Variants in YEATS2 observed in about 807,000 individuals in gnomAD.
YEATS2 encodes the protein YEATS domain containing 2, also known as YEATS domain-containing protein 2.
Under a neutral mutation model 163.2 loss-of-function variants are expected in YEATS2, and 77 were observed. The ratio of observed to expected loss-of-function variants is 0.47; its 90% confidence interval spans 0.39 to 0.57. The LOEUF (loss-of-function observed/expected upper bound fraction) is 0.57. Among genes scored for constraint, YEATS2 ranks in the 20% least tolerant of loss-of-function variants. YEATS2 has a pLI of 0.00. For missense variants in YEATS2, 1,549 were observed against 1,729.8 expected (o/e 0.90, Z 1.85); for synonymous variants, 631 against 645.1 (o/e 0.98, Z 0.33).
chr3:183,805,486 C>T (rs1726097281), intron 27 of YEATS2, among the ~76,000 whole-genome samples: 1 of 151,930 alleles, frequency 6.6e-6, no homozygotes, highest in Non-Finnish European at 1.5e-5. Flanking sequence ...CCAAGGAAAC[C>T]TGGAGCACAG....
At chr3:183,743,571 C>A (rs1225969220) in intron 8 of YEATS2, among the ~76,000 whole-genome samples, 1 of 151,864 alleles carries the variant, frequency 6.6e-6, no homozygotes, top group African/African-American at 2.4e-5. Flanking sequence ...GTCTCAAACT[C>A]CTGGACTAAA....
In YEATS2 at chr3:183,776,131, T is replaced by A; in HGVS notation, c.2577+8T>A. On this transcript the variant is annotated splice_region_variant and intron_variant, in intron 18 of 30. Transcript: ENST00000305135. ...CTCAAGCAAACTCCCCAGGTCTGGT[T>A]CTCTGTAACTGATATTTTAAATCAT... The A allele has an allele frequency of 6.5e-7, 1 of 1,544,794 alleles. No homozygotes were observed. The highest frequency in any genetic ancestry group is 1.3e-5 in the South Asian group (1 of 78,602).
intron 2 of YEATS2, among the ~76,000 whole-genome samples, chr3:183,717,299 CT>C (rs1715996090): frequency 1.3e-5 from 2 of 152,300 alleles, no homozygotes; most frequent in East Asian, 3.9e-4. Context: ...CTCCTCAACC[CT>C]TTCCTTGTCT....
Position 183,758,954 on chromosome 3 carries a change from T to C in YEATS2, c.1645T>C (p.Ser549Pro), listed in dbSNP as rs746821887. 6.4e-6 allele frequency: 10 copies of C among 1,571,780 alleles called. No homozygotes were observed. The South Asian group carries it at 1.1e-4, about 17-fold the overall frequency. The stretch of plus-strand genomic sequence containing the variant: ...AATTCATGGAAGTAGTTTTGTAACA[T>C]CTACTGTCAAGGTAACATTCTTACT... ...PKIHGSSFVT[S>P]TVKQEDSLFA... The change falls in exon 13 of 31, where the codon TCT (serine) becomes CCT (proline). Residue 549 changes from serine to proline, a missense_variant. By Grantham distance (74) the Ser-to-Pro change is moderately conservative. Transcript: ENST00000305135.
chr3:183,766,012 A>G (rs1560288787), intron 15 of YEATS2, among the ~76,000 whole-genome samples: 1 of 152,108 alleles, frequency 6.6e-6, no homozygotes, highest in Admixed American at 6.6e-5. Context: ...TTTACCCTCC[A>G]TACAACTTTG....
At chr3:183,802,550 C>CACGTGTATAT (rs1725794334) in intron 25 of YEATS2, 1 of 53,930 alleles carries the variant, frequency 1.9e-5, no homozygotes, top group African/African-American at 6.6e-5. Context: ...TACACACACA[C>CACGTGTATAT]ATATTTTTCT....
At chr3:183,776,341 C>T (rs150696662) in intron 18 of YEATS2, among the ~76,000 whole-genome samples, 3,632 of 151,932 alleles carry the variant, frequency 0.024, 151 homozygotes, top group African/African-American at 0.083. Flanking sequence ...CCCAGGAGTT[C>T]GAGACCAACC....
chr3:183,809,386 A>G, intron 30 of YEATS2: 3 of 503,550 alleles, frequency 6.0e-6, no homozygotes, highest in Middle Eastern at 5.3e-4. Context: ...AGAGGTTTAT[A>G]TCCTCCTCAT....
chr3:183,778,137 AAG>A (rs1417420030), intron 19 of YEATS2, among the ~76,000 whole-genome samples: 1 of 151,392 alleles, frequency 6.6e-6, no homozygotes, highest in Non-Finnish European at 1.5e-5. Flanking sequence ...AAGAAAAAAA[AAG>A]AAAAAATGAA....
At chr3:183,735,506 C>T (rs147054378) in intron 7 of YEATS2, among the ~76,000 whole-genome samples, 39 of 152,242 alleles carry the variant, frequency 2.6e-4, no homozygotes, top group African/African-American at 8.4e-4. Flanking sequence ...TTATTAATTT[C>T]TCTGCTTTCT....
intron 12 of YEATS2, among the ~76,000 whole-genome samples, chr3:183,758,584 T>G (rs570974168): frequency 1.3e-5 from 2 of 152,306 alleles, no homozygotes; most frequent in Admixed American, 1.3e-4. Flanking sequence ...CTACTGTTTA[T>G]TGTACAAGGA....
intron 1 of YEATS2, among the ~76,000 whole-genome samples, chr3:183,706,774 C>T (rs1714666061): frequency 6.6e-6 from 1 of 152,096 alleles, no homozygotes; most frequent in Non-Finnish European, 1.5e-5. Flanking sequence ...TGAGATTGTG[C>T]CATTGCACTC....
intron 20 of YEATS2, among the ~76,000 whole-genome samples, chr3:183,786,652 A>G (rs1169229112): frequency 6.7e-6 from 1 of 148,310 alleles, no homozygotes; most frequent in Non-Finnish European, 1.5e-5. Context: ...GACATTTCAT[A>G]TAAAGGGAGT....
intron 7 of YEATS2, among the ~76,000 whole-genome samples, chr3:183,733,005 C>T (rs935033721): frequency 2.6e-5 from 4 of 152,006 alleles, no homozygotes; most frequent in Non-Finnish European, 4.4e-5. Context: ...GGACTATAGG[C>T]GTGTGCCACC....
At chr3:183,776,536 A>C (rs1267097682) in intron 18 of YEATS2, among the ~76,000 whole-genome samples, 1 of 152,094 alleles carries the variant, frequency 6.6e-6, no homozygotes, top group African/African-American at 2.4e-5. Flanking sequence ...TGACAGAGTG[A>C]GACCCTTTCT....
Position 183,756,544 on chromosome 3 carries a change from TC to T in YEATS2, c.1409del (p.Pro470GlnfsTer17). The T allele has an allele frequency of 6.3e-7, 1 of 1,582,138 alleles. No homozygotes were observed. The highest frequency in any genetic ancestry group is 8.6e-7 in the Non-Finnish European group (1 of 1,166,544). The part of the protein sequence containing the change: ...KIVSGSPIST[P>X]SPSPLPRTPT... Reference sequence around the variant, plus strand: ...ATTAATAAGGTTCCCCAATATCAACTCCAAGCCCATCACCATTGCCTCGAAC... The same window carrying T: ...ATTAATAAGGTTCCCCAATATCAACTCAAGCCCATCACCATTGCCTCGAAC... On this transcript the variant is annotated frameshift_variant, in exon 12 of 31. Coordinates refer to ENST00000305135, the MANE Select transcript of YEATS2 (RefSeq NM_018023.5). LOFTEE classifies it high-confidence loss of function.
chr3:183,803,941 G>C (rs377468826), intron 26 of YEATS2, 46 bp from the exon 27 acceptor site: 8 of 1,596,488 alleles, frequency 5.0e-6, no homozygotes, highest in Non-Finnish European at 6.0e-6. Context: ...GTTGTGTTAA[G>C]TGGAAGGATT....
At chr3:183,783,343 G>C (rs866792670) in intron 19 of YEATS2, among the ~76,000 whole-genome samples, 51 of 152,244 alleles carry the variant, frequency 3.3e-4, no homozygotes, top group African/African-American at 1.2e-3. Context: ...CAGTCACTTA[G>C]AGCAGATTTC....
At chr3:183,800,865 A>G (rs1363616071) in intron 24 of YEATS2, 2 of 295,242 alleles carry the variant, frequency 6.8e-6, no homozygotes, top group Non-Finnish European at 1.3e-5. Context: ...CCGTAGGCAC[A>G]AAATTTCTCC....
Sources: allele counts gnomAD v4.1 joint callset (sites outside exome capture counted in the v4.1 genomes callset), GRCh38; gene constraint gnomAD v4.1.1; transcripts MANE v1.5; gene names NCBI Gene and HGNC (gene_info 2026-07-23, HGNC 2026-07-21).